RELN: variants seen among roughly 807,000 people sequenced by gnomAD.
The protein encoded by RELN is reelin.
In RELN, 108 loss-of-function variants were observed where a neutral mutation model predicts 427.6. The ratio of observed to expected loss-of-function variants is 0.25; its 90% CI spans 0.22 to 0.30. The LOEUF (loss-of-function observed/expected upper bound fraction) is 0.30. Ranked by LOEUF, RELN falls within the 10% of genes least tolerant of loss-of-function variation. RELN has a pLI of 1.00. For synonymous variants in RELN, 1,524 were observed against 1,513.4 expected, an observed-to-expected ratio of 1.01 and a Z score of -0.16; for missense variants, 3,715 against 4,302.8, an observed-to-expected ratio of 0.86 and a Z score of 3.82.
intron 27 of RELN, among the ~76,000 whole-genome samples, chr7:103,592,857 T>G (rs1270717355): frequency 6.6e-6 from 1 of 152,200 alleles, no homozygotes; most frequent in African/African-American, 2.4e-5. Context: ...TTGATATTTT[T>G]CCATTGTAGT....
intron 25 of RELN, 132 bp from the exon 26 acceptor site, chr7:103,594,624 C>A: frequency 1.1e-6 from 1 of 939,860 alleles, no homozygotes; most frequent in Admixed American, 2.2e-5. Context: ...TCCAAAAGCC[C>A]GTAAGTTTGG....
intron 2 of RELN, among the ~76,000 whole-genome samples, chr7:103,884,360 A>C (rs536870604): frequency 6.6e-6 from 1 of 152,320 alleles, no homozygotes; most frequent in African/African-American, 2.4e-5. Context: ...ACCATTCAGG[A>C]CATAGGTATG....
At chr7:103,567,749 C>G (rs362729) in intron 31 of RELN, among the ~76,000 whole-genome samples, 2 of 150,184 alleles carry the variant, frequency 1.3e-5, no homozygotes, top group African/African-American at 4.9e-5. Flanking sequence ...ATAGATATTA[C>G]GCTCAGTAAA....
Position 103,882,634 on chromosome 7 carries a change from A to C in RELN, c.337+34441T>G, listed in dbSNP as rs542565995. ...ATCACCACTGATCCCACAGAAATAT[A>C]AACTACCATCAGAGAATACTATAAA... On this transcript the variant is annotated intron_variant, in intron 2 of 64. Transcript: ENST00000428762. Among the ~76,000 whole-genome samples, 240 of 152,286 alleles carry C rather than the reference A, an allele frequency of 1.6e-3. 1 individual carries two copies. The highest frequency in any genetic ancestry group is 5.6e-3 in the African/African-American group (231 of 41,576).
chr7:103,706,276 T>C (rs1644564900), intron 8 of RELN, among the ~76,000 whole-genome samples: 1 of 151,604 alleles, frequency 6.6e-6, no homozygotes, highest in African/African-American at 2.4e-5. Context: ...CAGATTAGGA[T>C]AAAGAGATAC....
chr7:103,678,288 A>T (rs1833581700), intron 11 of RELN, among the ~76,000 whole-genome samples: 1 of 152,240 alleles, frequency 6.6e-6, no homozygotes, highest in African/African-American at 2.4e-5. Context: ...AGCCTCAGCT[A>T]AGTGAGATGT....
At position 103,545,081 on chromosome 7, in the gene RELN, A is replaced by T. The variant is rs747249919; in HGVS notation, c.6523+43T>A. The T allele has an allele frequency of 2.0e-6, 3 of 1,484,026 alleles. No homozygotes were observed. In the Admixed American group the frequency reaches 5.0e-5, roughly 25 times the overall value. 91.9% of individuals were successfully genotyped at this position (1,484,026 alleles called of 1,614,324 possible). On this transcript the variant is annotated intron_variant, in intron 42 of 64. Transcript: ENST00000428762. ...TACCAAAAATTGTGTTTAACATATA[A>T]GTTCTTTCACAAGACTACATAGAAT...
intron 44 of RELN, among the ~76,000 whole-genome samples, chr7:103,539,770 G>A (rs1161434994): frequency 1.3e-5 from 2 of 152,214 alleles, no homozygotes; most frequent in Non-Finnish European, 2.9e-5. Context: ...TATGTATAAA[G>A]ATCCTTTGGA....
chr7:103,496,994 AAC>A (rs1828861575), intron 55 of RELN, among the ~76,000 whole-genome samples: 1 of 152,206 alleles, frequency 6.6e-6, no homozygotes, highest in African/African-American at 2.4e-5. Context: ...CCAAAATAAA[AAC>A]ACTGAAGTAA....
At chr7:103,907,083 A>G (rs1280259163) in intron 2 of RELN, among the ~76,000 whole-genome samples, 1 of 152,148 alleles carries the variant, frequency 6.6e-6, no homozygotes, top group East Asian at 1.9e-4. Flanking sequence ...GTAGTGATAT[A>G]TGTTATGCCA....
chr7:103,873,775 G>T (rs1013402365), intron 2 of RELN, among the ~76,000 whole-genome samples: 17 of 135,528 alleles, frequency 1.3e-4, no homozygotes, highest in African/African-American at 4.4e-4. Flanking sequence ...TCTACCAGAG[G>T]TACAAGGAGG....
chr7:103,885,886 C>A (rs1794716906), intron 2 of RELN, among the ~76,000 whole-genome samples: 1 of 152,046 alleles, frequency 6.6e-6, no homozygotes, highest in East Asian at 1.9e-4. Context: ...AAGTGTCCAA[C>A]CTAAAGTGCT....
At chr7:103,800,242 C>T (rs1181909487) in intron 3 of RELN, among the ~76,000 whole-genome samples, 3 of 152,256 alleles carry the variant, frequency 2.0e-5, no homozygotes, top group Admixed American at 6.5e-5. Context: ...AAAACCCCAT[C>T]GTCTCAGCCC....
At chr7:103,505,962 G>A (rs528959537) in intron 51 of RELN, among the ~76,000 whole-genome samples, 20 of 152,246 alleles carry the variant, frequency 1.3e-4, no homozygotes, top group South Asian at 4.2e-4. Context: ...ATCAATAGCC[G>A]AATCGATCAA....
intron 1 of RELN, among the ~76,000 whole-genome samples, chr7:103,967,302 C>T (rs546254525): frequency 1.3e-5 from 2 of 152,218 alleles, no homozygotes; most frequent in Non-Finnish European, 2.9e-5. Flanking sequence ...TCTACAACTC[C>T]AGTCCATTTT....
At chr7:103,865,983 C>T (rs927232922) in intron 2 of RELN, among the ~76,000 whole-genome samples, 1 of 152,056 alleles carries the variant, frequency 6.6e-6, no homozygotes, top group East Asian at 1.9e-4. Flanking sequence ...AGCCATGGAA[C>T]CTTGATCAAT....
chr7:103,736,054 A>C (rs1223977085), intron 6 of RELN, among the ~76,000 whole-genome samples: 1 of 152,264 alleles, frequency 6.6e-6, no homozygotes, highest in Non-Finnish European at 1.5e-5. Context: ...GCCTGTGCTA[A>C]GAAGAATCTG....
intron 40 of RELN, among the ~76,000 whole-genome samples, chr7:103,551,656 TC>T (rs200504427): frequency 8.6e-5 from 13 of 151,786 alleles, no homozygotes; most frequent in Admixed American, 2.6e-4. Flanking sequence ...ACTGTTAGCT[TC>T]CCCCCCATCT....
intron 20 of RELN, among the ~76,000 whole-genome samples, chr7:103,616,382 G>T (rs747736932): frequency 6.6e-6 from 1 of 152,000 alleles, no homozygotes. Flanking sequence ...TCAAAGAAAC[G>T]TTTACTAGAT....
Sources: allele counts gnomAD v4.1 joint callset (sites outside exome capture counted in the v4.1 genomes callset), GRCh38; gene constraint gnomAD v4.1.1; transcripts MANE v1.5; gene names NCBI Gene and HGNC (gene_info 2026-07-23, HGNC 2026-07-21).